ZNF467: variants seen among roughly 807,000 people sequenced by gnomAD.
The protein encoded by ZNF467 is zinc finger protein EZI.
ZNF467 carries 51 observed loss-of-function variants against 47.8 expected under a neutral mutation model. The observed-to-expected ratio is 1.07, with a 90% CI of 0.85 to 1.35. The LOEUF (loss-of-function observed/expected upper bound fraction) is 1.35. ZNF467 is among the 40% of genes most tolerant of loss of function. The pLI is 0.00. For synonymous variants in ZNF467, 416 were observed against 372.9 expected (o/e 1.12, Z -1.33); for missense variants, 992 against 858.1 (o/e 1.16, Z -1.95).
chr7:149,768,206 A>G (rs1478169223), intron 4 of ZNF467, among the ~76,000 whole-genome samples: 1 of 152,154 alleles, frequency 6.6e-6, no homozygotes, highest in African/African-American at 2.4e-5. Context: ...GTTCTAGCTC[A>G]TATTAAGGTC....
At position 149,765,570 on chromosome 7, in the gene ZNF467, T is replaced by TGCGTGAAGCTGCGTGC. The variant is rs1377317787; in HGVS notation, c.916_931dup (p.His311ArgfsTer83). On this transcript the variant is annotated frameshift_variant, in exon 5 of 5. Transcript: ENST00000302017. LOFTEE classifies it high-confidence loss of function. Reference sequence around the variant, plus strand: ...TTGGTGCCGCACCAAGTGCTGCTTGTGCGTGAAGCTGCGTGCGCACTGTGC... The same window carrying TGCGTGAAGCTGCGTGC: ...TTGGTGCCGCACCAAGTGCTGCTTGTGCGTGAAGCTGCGTGCGCGTGAAGCTGCGTGCGCACTGTGC... 6.3e-7 allele frequency: 1 copy of TGCGTGAAGCTGCGTGC among 1,588,776 alleles called. No individual in the cohort carries two copies. Among genetic ancestry groups the TGCGTGAAGCTGCGTGC allele is most frequent in the East Asian group, 2.3e-5 (1 of 43,822 alleles).
Position 149,764,305 on chromosome 7 carries a change from A to T in ZNF467, c.*409T>A. On this transcript the variant is annotated 3_prime_UTR_variant, in exon 5 of 5. Coordinates refer to ENST00000302017, the MANE Select transcript of ZNF467 (RefSeq NM_207336.3). ...TGGTCTGTGTGTGGATGGAGGTGGG[A>T]CAGTGGCTAAGGAGAGTCAGGTGTT... 1.7e-5 allele frequency: 7 copies of T among 420,640 alleles called. No homozygotes were observed. The highest frequency in any genetic ancestry group is 1.3e-4 in the South Asian group (2 of 15,066). The allele number at this position is 420,640 out of a possible 1,614,324, so 26.1% of individuals were successfully genotyped here. A position where few individuals can be genotyped will look rare whatever the true frequency, so the allele number is the denominator to read the frequency against.
chr7:149,765,487 G>C lies in ZNF467; in HGVS notation c.1015C>G (p.His339Asp). 1 of 1,585,144 alleles carries C rather than the reference G, an allele frequency of 6.3e-7. No individual in the cohort carries two copies. Among genetic ancestry groups the C allele is most frequent in the Non-Finnish European group, 8.6e-7 (1 of 1,166,618 alleles). ...RPSPDSSASP[H>D]STAPSPTPSF... is the part of the protein sequence containing the mutation. ...GGGGTCGGGGACGGGGCAGTGGAAT[G>C]AGGAGAAGCGGACGAGTCGGGAGAG... Residue 339 changes from histidine (H) to aspartate (D), a missense_variant, in exon 5 of 5, where the codon CAT (histidine) becomes GAT (aspartate). Physicochemically the swap from His to Asp is moderately conservative, Grantham distance 81. Transcript: ENST00000302017.
At chr7:149,770,917 G>A (rs532125493) in intron 2 of ZNF467, 82 bp downstream of exon 2, 8 of 1,581,950 alleles carry the variant, frequency 5.1e-6, no homozygotes, top group Non-Finnish European at 6.9e-6. Context: ...AGCCTCCTGA[G>A]GGTGGCTCTG....
Position 149,766,035 on chromosome 7 carries a change from G to A in ZNF467, c.467C>T (p.Pro156Leu), listed in dbSNP as rs777233009. 20 of 1,593,468 alleles carry A rather than the reference G, an allele frequency of 1.3e-5. No individual in the cohort carries two copies. Among genetic ancestry groups the A allele is most frequent in the East Asian group, 2.3e-5 (1 of 43,934 alleles). Residue 156 changes from proline to leucine, a missense_variant, in exon 5 of 5, where the codon CCG becomes CTG. Pro to Leu is a moderately conservative substitution (Grantham distance 98). Transcript: ENST00000302017. ...CTCCCCGCAGCCGTAGGGCTTCTCC[G>A]GCATCGGACCCCACCCAGACAGCGC... The part of the protein sequence containing the change: ...GLALSGWGPM[P>L]EKPYGCGECE...
At position 149,764,367 on chromosome 7, in the gene ZNF467, C is replaced by G; in HGVS notation, c.*347G>C. ...TTCATTTAGCAGCCCCAGAACTTTCCGATTTTAACTTTAATGAAACTTTAA... is the reference window on the plus strand; with the variant it reads ...TTCATTTAGCAGCCCCAGAACTTTCGGATTTTAACTTTAATGAAACTTTAA... On this transcript the variant is annotated 3_prime_UTR_variant, in exon 5 of 5. Coordinates refer to ENST00000302017, the MANE Select transcript of ZNF467 (RefSeq NM_207336.3). 2 of 556,374 alleles carry G rather than the reference C, an allele frequency of 3.6e-6. No individual in the cohort carries two copies. 34.5% of individuals were successfully genotyped at this position (556,374 alleles called of 1,614,324 possible). A position where few individuals can be genotyped will look rare whatever the true frequency, so the allele number is the denominator to read the frequency against.
chr7:149,776,113 C>T (rs1237097142), upstream of ZNF467: 7 of 1,358,228 alleles, frequency 5.2e-6, no homozygotes, highest in Non-Finnish European at 6.9e-6. Flanking sequence ...ACCCTGGACC[C>T]CTCTGACAAG....
rs563045809 is a variant in ZNF467, at chr7:149,769,132, C to T, written c.220G>A (p.Ala74Thr). ...EQAEAPCRGQ[A>T]CSAQKAQPVG... The stretch of plus-strand genomic sequence containing the variant: ...GGCTGAGCCTTCTGTGCTGAGCACG[C>T]CTGGCCTCTGCAGGGAGCCTCGGCT... Residue 74 changes from alanine (A) to threonine (T), a missense_variant, in exon 4 of 5, where the codon GCG becomes ACG. Ala to Thr is a moderately conservative substitution (Grantham distance 58, BLOSUM62 0). Transcript: ENST00000302017. The surrounding 1 kb of genome is among the most constrained non-coding windows in gnomAD (Gnocchi z 5.3). 2 of 1,561,028 alleles carry T rather than the reference C, an allele frequency of 1.3e-6. No homozygotes were observed. The highest frequency in any genetic ancestry group is 1.9e-5 in the Admixed American group (1 of 52,894).
chr7:149,765,381 T>G lies in ZNF467; in HGVS notation c.1121A>C (p.Gln374Pro). 6.4e-7 allele frequency: 1 copy of G among 1,565,238 alleles called. No individual in the cohort carries two copies. The highest frequency in any genetic ancestry group is 8.7e-7 in the Non-Finnish European group (1 of 1,155,856). The change falls in exon 5 of 5, where the codon CAG becomes CCG. Residue 374 changes from glutamine (Q) to proline (P), a missense_variant. Physicochemically the swap from Gln to Pro is moderately conservative, Grantham distance 76. Coordinates refer to ENST00000302017, the MANE Select transcript of ZNF467 (RefSeq NM_207336.3). ...FGWKKNLATH[Q>P]CLHRSEGRPF... is the part of the protein sequence containing the mutation. The stretch of plus-strand genomic sequence containing the variant: ...GCGACCCTCGCTGCGGTGCAGACAC[T>G]GGTGCGTGGCGAGGTTCTTTTTCCA...
At chr7:149,770,629 C>G in intron 2 of ZNF467, 73 bp from the exon 3 acceptor site, 1 of 1,331,898 alleles carries the variant, frequency 7.5e-7, no homozygotes, top group Admixed American at 2.0e-5. Flanking sequence ...GGGGGCTGTT[C>G]CCCTTCCCAG....
Position 149,769,451 on chromosome 7 carries a change from G to A in ZNF467, c.152-251C>T, listed in dbSNP as rs2117441711. Among the ~76,000 whole-genome samples the A allele has an allele frequency of 6.6e-6, 1 of 152,246 alleles. No individual in the cohort carries two copies. The highest frequency in any genetic ancestry group is 1.9e-4 in the East Asian group (1 of 5,154). ...ACAAGGTTACAAGAGCCACCACTGT[G>A]AAGAGTTCCTGGAATATGTGTATGT... On this transcript the variant is annotated intron_variant, in intron 3 of 4. Transcript: ENST00000302017. The surrounding 1 kb of genome is among the most constrained non-coding windows in gnomAD (Gnocchi z 5.3).
At chr7:149,771,824 TCGGCTCCGCCCC>T (rs1799420441) in intron 1 of ZNF467, among the ~76,000 whole-genome samples, 1 of 137,274 alleles carries the variant, frequency 7.3e-6, no homozygotes, top group Admixed American at 7.4e-5. Flanking sequence ...GGCCGGCGCC[TCGGCTCCGCCCC>T]CGGCCCCGCC....
intron 2 of ZNF467, 100 bp downstream of exon 2, chr7:149,770,899 A>C (rs1466862346): frequency 1.3e-6 from 2 of 1,506,764 alleles, no homozygotes; most frequent in Admixed American, 1.7e-5. Flanking sequence ...CTGGGGCCTC[A>C]GGGTTGCAGC....
At chr7:149,775,474 C>T (rs1254855960), upstream of ZNF467, among the ~76,000 whole-genome samples, 1 of 152,190 alleles carries the variant, frequency 6.6e-6, no homozygotes, top group Non-Finnish European at 1.5e-5. Context: ...AGCCCAGGAG[C>T]TCTTAACCTT....
chr7:149,772,417 T>A (rs1446683111), intron 1 of ZNF467, among the ~76,000 whole-genome samples: 2 of 66,236 alleles, frequency 3.0e-5, no homozygotes, highest in African/African-American at 6.7e-5. Flanking sequence ...AGCTCCCGGG[T>A]CCTCCGGCCC....
rs572588724 is a variant in ZNF467, at chr7:149,769,678, C to T, written c.152-478G>A. On this transcript the variant is annotated intron_variant, in intron 3 of 4. Coordinates refer to ENST00000302017, the MANE Select transcript of ZNF467 (RefSeq NM_207336.3). This position sits in a 1 kb window ranked among gnomAD's most constrained non-coding sequence, Gnocchi z 5.3. ...ACTTTTCCCAAATCTGCTGAGCTGCCGCCTTCACCTCTTTTATTTTTCTTT... is the reference window on the plus strand; with the variant it reads ...ACTTTTCCCAAATCTGCTGAGCTGCTGCCTTCACCTCTTTTATTTTTCTTT... 1.1e-4 allele frequency among the ~76,000 whole-genome samples: 16 copies of T among 152,280 alleles called. No homozygotes were observed. Among genetic ancestry groups the T allele is most frequent in the Admixed American group, 7.2e-4 (11 of 15,296 alleles).
In ZNF467 at chr7:149,769,021, T is replaced by C. The variant is rs1799304302; in HGVS notation, c.262+69A>G. The C allele has an allele frequency of 1.5e-6, 2 of 1,360,568 alleles. No individual in the cohort carries two copies. The highest frequency in any genetic ancestry group is 2.0e-6 in the Non-Finnish European group (2 of 1,008,646). 84.3% of individuals were successfully genotyped at this position (1,360,568 alleles called of 1,614,324 possible). A position where few individuals can be genotyped will look rare whatever the true frequency, so the allele number is the denominator to read the frequency against. ...ATTACCTGCCTCATGAGATAGCAGC[T>C]CCGGAGCTTGCTGGGCCCCGTTCCC... On this transcript the variant is annotated intron_variant, in intron 4 of 4. Coordinates refer to ENST00000302017, the MANE Select transcript of ZNF467 (RefSeq NM_207336.3). The surrounding 1 kb of genome is among the most constrained non-coding windows in gnomAD (Gnocchi z 5.3).
chr7:149,765,698 GC>G lies in ZNF467; in HGVS notation c.803del (p.Gly268AlafsTer20). On this transcript the variant is annotated frameshift_variant, in exon 5 of 5. Coordinates refer to ENST00000302017, the MANE Select transcript of ZNF467 (RefSeq NM_207336.3). LOFTEE classifies it high-confidence loss of function. ...ATTCCGTGCAGGGGAAGGGCCGCTCGCCGGTGTGGGTCTTTTGGTGCGAGCC... is the reference window on the plus strand; with the variant it reads ...ATTCCGTGCAGGGGAAGGGCCGCTCGCGGTGTGGGTCTTTTGGTGCGAGCC... ...HLGSHQKTHTGERPFPCTECE... is the reference protein window; with the variant it reads ...HLGSHQKTHTXERPFPCTECE... The G allele has an allele frequency of 6.2e-7, 1 of 1,613,524 alleles. No homozygotes were observed. Among genetic ancestry groups the G allele is most frequent in the Non-Finnish European group, 8.5e-7 (1 of 1,179,856 alleles).
At chr7:149,776,194 C>T (rs528361362), upstream of ZNF467, 762 of 1,028,356 alleles carry the variant, frequency 7.4e-4, 6 homozygotes, top group African/African-American at 0.012. Context: ...CCCCGGGATC[C>T]TCCCTCCACC....
Sources: gnomAD v4.1 joint callset for allele counts (sites outside exome capture counted in the v4.1 genomes callset) on GRCh38, gnomAD v4.1.1 for gene constraint, Gnocchi (gnomAD v3.1) non-coding constraint, MANE v1.5 for transcripts, NCBI Gene and HGNC (gene_info 2026-07-23, HGNC 2026-07-21) for gene names.